Variants in DIP2B observed in about 807,000 individuals in gnomAD.
DIP2B encodes the protein DIP2 acetate--CoA ligase B (putative), also known as disco-interacting protein 2 homolog B.
A neutral mutation model predicts 198.0 loss-of-function variants in DIP2B; 76 were observed. The ratio of observed to expected loss-of-function variants is 0.38; its 90% confidence interval spans 0.32 to 0.46. The LOEUF (loss-of-function observed/expected upper bound fraction) is 0.46. Among genes scored for constraint, DIP2B ranks in the 20% least tolerant of loss-of-function variants. DIP2B has a pLI of 0.99. For synonymous variants in DIP2B, 701 were observed against 739.1 expected, an observed-to-expected ratio of 0.95 and a Z score of 0.84; for missense variants, 1,559 against 1,978.4, an observed-to-expected ratio of 0.79 and a Z score of 4.02.
At chr12:50,664,836 GTTTTTTTTTTTTT>G (rs1159665939) in intron 4 of DIP2B, among the ~76,000 whole-genome samples, 3 of 15,924 alleles carry the variant, frequency 1.9e-4, no homozygotes, top group African/African-American at 2.9e-4. Context: ...TTTGGTTTTT[GTTTTTTTTTTTTT>G]TTTTTTTTTT....
At chr12:50,637,207 C>T (rs1056018935) in intron 2 of DIP2B, among the ~76,000 whole-genome samples, 1 of 152,130 alleles carries the variant, frequency 6.6e-6, no homozygotes, top group Admixed American at 6.5e-5. Flanking sequence ...GTTGTGAAGA[C>T]ATAATGAGAT....
At chr12:50,676,408 A>G (rs1167840466) in intron 7 of DIP2B, among the ~76,000 whole-genome samples, 1 of 152,224 alleles carries the variant, frequency 6.6e-6, no homozygotes, top group African/African-American at 2.4e-5. Context: ...AAGCAACCTG[A>G]CATATGAGGT....
intron 1 of DIP2B, among the ~76,000 whole-genome samples, chr12:50,602,718 G>A (rs1958947947): frequency 6.6e-6 from 1 of 151,674 alleles, no homozygotes; most frequent in Admixed American, 6.6e-5. Context: ...ACTTAGCTGG[G>A]CATGGTGGTG....
intron 35 of DIP2B, 50 bp downstream of exon 35, chr12:50,737,160 C>G (rs771186097): frequency 6.5e-7 from 1 of 1,527,706 alleles, no homozygotes; most frequent in Non-Finnish European, 9.0e-7. Flanking sequence ...GTAAAAATCT[C>G]TAGGGTTCAC....
intron 1 of DIP2B, among the ~76,000 whole-genome samples, chr12:50,552,478 G>A (rs1173058560): frequency 6.6e-6 from 1 of 151,918 alleles, no homozygotes; most frequent in Non-Finnish European, 1.5e-5. Flanking sequence ...GTGTTAGCCA[G>A]GATGGTCTCG....
Position 50,731,424 on chromosome 12 carries a change from C to A in DIP2B, c.3697C>A (p.Leu1233Ile). 1 of 1,614,172 alleles carries A rather than the reference C, an allele frequency of 6.2e-7. No individual in the cohort carries two copies. The highest frequency in any genetic ancestry group is 1.1e-5 in the South Asian group (1 of 91,076). ...TCCTCCTATGGAGTTAGAGAACAACCTTTTCCTCTGGCTCTCCACAGTCAA... is the reference window on the plus strand; with the variant it reads ...TCCTCCTATGGAGTTAGAGAACAACATTTTCCTCTGGCTCTCCACAGTCAA... ...LIPPMELENN[L>I]FLWLSTVNQY... is the part of the protein sequence containing the mutation. The change falls in exon 31 of 38, where the codon CTT (leucine) becomes ATT (isoleucine). Residue 1233 changes from leucine to isoleucine, a missense_variant. By Grantham distance (5) the Leu-to-Ile change is conservative. Coordinates refer to ENST00000301180, the MANE Select transcript of DIP2B (RefSeq NM_173602.3).
intron 1 of DIP2B, among the ~76,000 whole-genome samples, chr12:50,577,791 A>G (rs1050194733): frequency 6.6e-6 from 1 of 152,044 alleles, no homozygotes; most frequent in Non-Finnish European, 1.5e-5. Flanking sequence ...CAGAAATTAA[A>G]GTAAAATTAA....
chr12:50,582,851 TTTAG>T (rs920719325), intron 1 of DIP2B, among the ~76,000 whole-genome samples: 2 of 152,304 alleles, frequency 1.3e-5, no homozygotes, highest in South Asian at 4.1e-4. Flanking sequence ...CATTTTTTTC[TTTAG>T]TTAGTTGTCT....
chr12:50,604,181 T>C (rs1958962174), intron 1 of DIP2B, among the ~76,000 whole-genome samples: 1 of 152,062 alleles, frequency 6.6e-6, no homozygotes, highest in Non-Finnish European at 1.5e-5. Flanking sequence ...AAGGTTTTAC[T>C]CTGAATCCTT....
chr12:50,631,789 T>G (rs1470868648), intron 2 of DIP2B, among the ~76,000 whole-genome samples: 2 of 152,214 alleles, frequency 1.3e-5, no homozygotes, highest in Non-Finnish European at 2.9e-5. Flanking sequence ...AGCGAGGGTC[T>G]GTCAGTGGTA....
At chr12:50,718,151 C>T (rs559130915) in intron 23 of DIP2B, among the ~76,000 whole-genome samples, 53 of 149,908 alleles carry the variant, frequency 3.5e-4, no homozygotes, top group Non-Finnish European at 7.0e-4. Context: ...TCCCGCCTCG[C>T]CCTCCCAAAG....
chr12:50,738,647 G>C (rs564202888), intron 35 of DIP2B, among the ~76,000 whole-genome samples: 1 of 152,170 alleles, frequency 6.6e-6, no homozygotes, highest in African/African-American at 2.4e-5. Flanking sequence ...ACCACGCCTG[G>C]CTAATTTTGT....
intron 1 of DIP2B, among the ~76,000 whole-genome samples, chr12:50,613,430 ATCT>A (rs1311266345): frequency 6.6e-6 from 1 of 152,200 alleles, no homozygotes; most frequent in Admixed American, 6.5e-5. Context: ...GAGTCCTGTC[ATCT>A]TCTGTCCTCA....
rs186630146 is a variant in DIP2B at position 50,612,693 on chromosome 12, T to C, written c.101-13283T>C. 9.9e-5 allele frequency among the ~76,000 whole-genome samples: 15 copies of C among 152,280 alleles called. No individual in the cohort carries two copies. In the East Asian group the frequency reaches 2.7e-3, roughly 27 times the overall value. On this transcript the variant is annotated intron_variant, in intron 1 of 37. Transcript: ENST00000301180. The stretch of plus-strand genomic sequence containing the variant: ...ATCTGCCCGCCTCGGCCCGCCAAAG[T>C]CTTGGGATTACAGGCGTGAGCCACC...
chr12:50,527,229 T>A (rs1203103991), intron 1 of DIP2B, among the ~76,000 whole-genome samples: 5 of 152,230 alleles, frequency 3.3e-5, no homozygotes, highest in Admixed American at 3.3e-4. Flanking sequence ...TTGGTCAGTT[T>A]ATTCTAGTTT....
intron 1 of DIP2B, among the ~76,000 whole-genome samples, chr12:50,531,096 AG>A (rs1243105191): frequency 1.3e-5 from 2 of 152,160 alleles, no homozygotes; most frequent in African/African-American, 4.8e-5. Flanking sequence ...CCCAGGCTGG[AG>A]TGCGGTGGCG....
intron 1 of DIP2B, among the ~76,000 whole-genome samples, chr12:50,561,263 A>T (rs1467897414): frequency 6.6e-6 from 1 of 152,198 alleles, no homozygotes; most frequent in African/African-American, 2.4e-5. Flanking sequence ...AGACATTTCC[A>T]GGTTCTTAAA....
intron 1 of DIP2B, among the ~76,000 whole-genome samples, chr12:50,609,082 G>A (rs1037079946): frequency 2.0e-5 from 3 of 152,056 alleles, no homozygotes; most frequent in African/African-American, 4.8e-5. Context: ...GCAGTGAGCC[G>A]AGATTGTGCC....
chr12:50,657,222 A>C (rs1403614942), intron 3 of DIP2B: 2 of 98,250 alleles, frequency 2.0e-5, no homozygotes, highest in East Asian at 3.7e-4. Context: ...ATCTCTATTT[A>C]CAAAAAAAAA....
Sources: allele counts gnomAD v4.1 joint callset (sites outside exome capture counted in the v4.1 genomes callset), GRCh38; gene constraint gnomAD v4.1.1; transcripts MANE v1.5; gene names NCBI Gene and HGNC (gene_info 2026-07-23, HGNC 2026-07-21).